CPA3: variants seen among roughly 807,000 people sequenced by gnomAD.
CPA3 encodes the protein mast cell carboxypeptidase A.
A neutral mutation model predicts 55.8 loss-of-function variants in CPA3; 52 were observed. The ratio of observed to expected loss-of-function variants is 0.93; its 90% CI spans 0.75 to 1.17. The LOEUF is 1.17. Among genes scored for constraint, CPA3 ranks in the 50% most tolerant of loss-of-function variants. CPA3 has a pLI of 0.00. For synonymous variants in CPA3, 179 were observed against 171.2 expected (o/e 1.05, Z -0.36); for missense variants, 547 against 509.1 (o/e 1.07, Z -0.72).
At chr3:148,875,163 A>G (rs943488180) in intron 3 of CPA3, among the ~76,000 whole-genome samples, 5 of 152,198 alleles carry the variant, frequency 3.3e-5, no homozygotes, top group African/African-American at 1.2e-4. Flanking sequence ...GAAAGAGTAC[A>G]TGATATTGTC....
chr3:148,865,935 G>T lies in CPA3; in HGVS notation c.144+387G>T, dbSNP rs538023010. Among the ~76,000 whole-genome samples the T allele has an allele frequency of 4.6e-5, 7 of 152,242 alleles. No individual in the cohort carries two copies. The East Asian group carries it at 1.4e-3, about 29-fold the overall frequency. ...TTTCTCTTGAGTACTAACTGAAAAC[G>T]TTGAGGCACTGGCTAATATCAAGAT... On this transcript the variant is annotated intron_variant, in intron 2 of 10. Transcript: ENST00000296046.
chr3:148,882,544 T>C lies in CPA3; in HGVS notation c.727T>C (p.Ser243Pro). The C allele has an allele frequency of 6.2e-7, 1 of 1,613,618 alleles. No individual in the cohort carries two copies. Among genetic ancestry groups the C allele is most frequent in the Non-Finnish European group, 8.5e-7 (1 of 1,179,724 alleles). Residue 243 changes from serine to proline, a missense_variant, in exon 8 of 11, where the codon TCC (serine) becomes CCC (proline). Physicochemically the swap from Ser to Pro is moderately conservative, Grantham distance 74. Coordinates refer to ENST00000296046, the MANE Select transcript of CPA3 (RefSeq NM_001870.4). The stretch of plus-strand genomic sequence containing the variant: ...AAAAAATCGTTCCAAGAACCAAAAC[T>C]CCAAATGCATCGGCACTGACCTCAA... The part of the protein sequence containing the change: ...WRKNRSKNQN[S>P]KCIGTDLNRN...
chr3:148,895,606 A>G (rs964848309), intron 10 of CPA3, among the ~76,000 whole-genome samples: 9 of 152,320 alleles, frequency 5.9e-5, no homozygotes, highest in Middle Eastern at 3.4e-3. Flanking sequence ...CCCAGTGCCA[A>G]GAAATGTGTC....
chr3:148,892,178 A>G (rs768039875), intron 10 of CPA3, among the ~76,000 whole-genome samples: 7 of 152,078 alleles, frequency 4.6e-5, no homozygotes, highest in Non-Finnish European at 1.0e-4. Flanking sequence ...GGTACAATAT[A>G]TGGATACTTC....
intron 10 of CPA3, among the ~76,000 whole-genome samples, chr3:148,887,223 A>T (rs1379393804): frequency 6.6e-6 from 1 of 152,218 alleles, no homozygotes; most frequent in African/African-American, 2.4e-5. Context: ...AAACGGCCAT[A>T]GACAATAAGT....
At chr3:148,892,583 G>T (rs918498232) in intron 10 of CPA3, among the ~76,000 whole-genome samples, 1 of 152,062 alleles carries the variant, frequency 6.6e-6, no homozygotes, top group Non-Finnish European at 1.5e-5. Context: ...AACCTGGAAG[G>T]CAGAGGTTGC....
In CPA3 at chr3:148,896,875, C is replaced by A. The variant is rs775204801; in HGVS notation, c.*168C>A. 1.4e-5 allele frequency: 7 copies of A among 501,432 alleles called. No homozygotes were observed. Among genetic ancestry groups the A allele is most frequent in the Non-Finnish European group, 2.3e-5 (7 of 300,526 alleles). The allele number at this position is 501,432 out of a possible 1,614,324, so 31.1% of individuals were successfully genotyped here. ...TTGCTTTTACTTACTTTCAGTAGCA[C>A]CATAACGAAGTAGCTTTAAGTGAAA... On this transcript the variant is annotated 3_prime_UTR_variant, in exon 11 of 11. Transcript: ENST00000296046.
At position 148,883,671 on chromosome 3, in the gene CPA3, C is replaced by T. The variant is rs754107419; in HGVS notation, c.837C>T (p.Ser279=). Residue 279 remains serine, a synonymous_variant, in exon 9 of 11, where the codon TCC becomes TCT. Transcript: ENST00000296046. The part of the protein sequence containing the change: ...ADNYRGSAPE[S]EKETKAVTNF... Reference sequence around the variant, plus strand: ...ACTATCGGGGCTCTGCACCAGAGTCCGAGAAAGAGACGAAAGCTGTCACTA... The same window carrying T: ...ACTATCGGGGCTCTGCACCAGAGTCTGAGAAAGAGACGAAAGCTGTCACTA... 2.0e-5 allele frequency: 33 copies of T among 1,613,980 alleles called. No individual in the cohort carries two copies. Among genetic ancestry groups the T allele is most frequent in the South Asian group, 1.1e-4 (10 of 91,058 alleles).
intron 9 of CPA3, among the ~76,000 whole-genome samples, chr3:148,885,569 C>T (rs904459264): frequency 3.3e-5 from 5 of 151,692 alleles, no homozygotes; most frequent in Non-Finnish European, 2.9e-5. Flanking sequence ...TGGCACCACC[C>T]CCAGCTAATT....
intron 3 of CPA3, among the ~76,000 whole-genome samples, chr3:148,873,377 GCACACA>G (rs35303662): frequency 6.9e-6 from 1 of 145,918 alleles, no homozygotes; most frequent in African/African-American, 2.6e-5. Flanking sequence ...GCGCACACGC[GCACACA>G]CACACACACA....
At chr3:148,896,392 C>G (rs959083682) in intron 10 of CPA3, 128 bp from the exon 11 acceptor site, 4 of 696,114 alleles carry the variant, frequency 5.7e-6, no homozygotes, top group East Asian at 2.7e-5. Context: ...GACCACTACT[C>G]TCATTCATTA....
intron 2 of CPA3, 64 bp downstream of exon 2, chr3:148,865,612 T>G: frequency 7.3e-7 from 1 of 1,374,474 alleles, no homozygotes. Context: ...TCTTCTTATT[T>G]TACTGTCAAT....
At position 148,883,820 on chromosome 3, in the gene CPA3, G is replaced by C; in HGVS notation, c.981+5G>C. Reference sequence around the variant, plus strand: ...CCACCTAACCATGAGGACTTGGTACGTAGACAAAAGTTTGCACTTCATGCA... The same window carrying C: ...CCACCTAACCATGAGGACTTGGTACCTAGACAAAAGTTTGCACTTCATGCA... On this transcript the variant is annotated splice_donor_5th_base_variant and intron_variant, in intron 9 of 10. Coordinates refer to ENST00000296046, the MANE Select transcript of CPA3 (RefSeq NM_001870.4). 1.2e-6 allele frequency: 2 copies of C among 1,609,038 alleles called. No individual in the cohort carries two copies. The highest frequency in any genetic ancestry group is 1.7e-6 in the Non-Finnish European group (2 of 1,175,466).
chr3:148,865,297 A>G lies in CPA3; in HGVS notation c.-11A>G. 6.2e-7 allele frequency: 1 copy of G among 1,613,910 alleles called. No individual in the cohort carries two copies. The highest frequency in any genetic ancestry group is 8.5e-7 in the Non-Finnish European group (1 of 1,179,870). The stretch of plus-strand genomic sequence containing the variant: ...ACTGCCAGAGGGTCTCAAGGCAGGC[A>G]AAGAAGAACCATGAGGCTCATCCTG... On this transcript the variant is annotated 5_prime_UTR_variant, in exon 1 of 11. Transcript: ENST00000296046.
At chr3:148,874,062 A>G (rs1240778291) in intron 3 of CPA3, among the ~76,000 whole-genome samples, 1 of 152,208 alleles carries the variant, frequency 6.6e-6, no homozygotes, top group African/African-American at 2.4e-5. Flanking sequence ...TGTGAAAATA[A>G]CATCTGGCCC....
chr3:148,887,727 G>A (rs1442941569), intron 10 of CPA3, among the ~76,000 whole-genome samples: 1 of 152,138 alleles, frequency 6.6e-6, no homozygotes, highest in African/African-American at 2.4e-5. Context: ...TCAAGCTTCA[G>A]TTCTTAGTCT....
chr3:148,868,972 T>A lies in CPA3; in HGVS notation c.202T>A (p.Phe68Ile), dbSNP rs774219245. 1.7e-5 allele frequency: 28 copies of A among 1,614,086 alleles called. No individual in the cohort carries two copies. The highest frequency in any genetic ancestry group is 2.3e-5 in the Non-Finnish European group (27 of 1,179,980). ...CGTAGCTGCTAATATGATGGTGGAT[T>A]TCCGAGTTAGTGAGAAGGAATCCCA... ...HHVAANMMVD[F>I]RVSEKESQAI... Residue 68 changes from phenylalanine to isoleucine, a missense_variant, in exon 3 of 11, where the codon TTC becomes ATC. Physicochemically the swap from Phe to Ile is conservative, Grantham distance 21 (BLOSUM62 0). Transcript: ENST00000296046.
chr3:148,867,323 G>A (rs774403069), intron 2 of CPA3, among the ~76,000 whole-genome samples: 6 of 152,172 alleles, frequency 3.9e-5, no homozygotes, highest in Non-Finnish European at 8.8e-5. Context: ...ATCAACTCTC[G>A]TGACTCAGTT....
intron 3 of CPA3, among the ~76,000 whole-genome samples, chr3:148,877,754 A>C (rs116263144): frequency 0.044 from 6,645 of 152,324 alleles, 194 homozygotes; most frequent in Non-Finnish European, 0.066. Context: ...TATGGAGGTC[A>C]GAGCGATGCC....
Sources: gnomAD v4.1 joint callset for allele counts (sites outside exome capture counted in the v4.1 genomes callset) on GRCh38, gnomAD v4.1.1 for gene constraint, MANE v1.5 for transcripts, NCBI Gene and HGNC (gene_info 2026-07-23, HGNC 2026-07-21) for gene names.